Variants in CPHXL observed in about 807,000 individuals in gnomAD.
CPHXL encodes the protein cytoplasmic polyadenylated homeobox-like protein.
At chr16:75,724,937 A>G (rs902801245) in intron 1 of CPHXL, among the ~76,000 whole-genome samples, 1 of 152,200 alleles carries the variant, frequency 6.6e-6, no homozygotes, top group African/African-American at 2.4e-5. Context: ...ACAGAATACT[A>G]TGCAGCCATA....
At chr16:75,718,545 A>G in intron 1 of CPHXL, 87 bp from the exon 2 acceptor site, 1 of 396,930 alleles carries the variant, frequency 2.5e-6, no homozygotes, top group Admixed American at 4.4e-5. Flanking sequence ...TGTTAGCACC[A>G]TAGATTCCCT....
chr16:75,717,576 A>G (rs1959410489), intron 2 of CPHXL, among the ~76,000 whole-genome samples: 1 of 152,108 alleles, frequency 6.6e-6, no homozygotes. Context: ...TTGTTTTAAC[A>G]TTTGTATCAT....
rs1007900216 is a variant in CPHXL, at chr16:75,726,450, T to A, written c.-8A>T. The A allele has an allele frequency of 2.5e-6, 1 of 398,458 alleles. No homozygotes were observed. Among genetic ancestry groups the A allele is most frequent in the African/African-American group, 2.1e-5 (1 of 48,608 alleles). The allele number at this position is 398,458 out of a possible 1,614,324, so 24.7% of individuals were successfully genotyped here. On this transcript the variant is annotated 5_prime_UTR_variant, in exon 1 of 3. Coordinates refer to ENST00000640559, the MANE Select transcript of CPHXL (RefSeq NM_001355613.1). ...AGTGCCGTCCAAATTCATCTTGGGG[T>A]AGAAGACCTGGACTTCACGGAGACC...
intron 1 of CPHXL, among the ~76,000 whole-genome samples, 159 bp downstream of exon 1, chr16:75,726,259 C>A (rs554442973): frequency 1.3e-5 from 2 of 152,186 alleles, no homozygotes; most frequent in Non-Finnish European, 2.9e-5. Context: ...AAGAGTCCAA[C>A]TTCAAAGTAC....
At chr16:75,720,868 C>T (rs1959467400) in intron 1 of CPHXL, among the ~76,000 whole-genome samples, 1 of 152,122 alleles carries the variant, frequency 6.6e-6, no homozygotes, top group Non-Finnish European at 1.5e-5. Flanking sequence ...GTCGGGTTAC[C>T]CACAAAGGGA....
rs776515421 is a variant in CPHXL at position 75,714,347 on chromosome 16, C to T, written c.1095G>A (p.Pro365=). Residue 365 remains proline (P), a synonymous_variant, in exon 3 of 3, where the codon CCG becomes CCA. Coordinates refer to ENST00000640559, the MANE Select transcript of CPHXL (RefSeq NM_001355613.1). ...ACATGTGCTGCAGTTGAGAGCACAA[C>T]GGCTTTCCATTATTCTGAGGCAGTT... ...QSQLPQNNGK[P]LCSQLQHMSL... is the part of the protein sequence containing the mutation. 4.5e-5 allele frequency: 18 copies of T among 398,442 alleles called. No individual in the cohort carries two copies. The highest frequency in any genetic ancestry group is 6.6e-5 in the Non-Finnish European group (15 of 226,062). 24.7% of individuals were successfully genotyped at this position (398,442 alleles called of 1,614,324 possible).
At chr16:75,725,612 C>T (rs143212991) in intron 1 of CPHXL, among the ~76,000 whole-genome samples, 16,587 of 151,984 alleles carry the variant, frequency 0.11, 2,291 homozygotes, top group East Asian at 0.64. Flanking sequence ...GCCACCACAC[C>T]CTGCTAATTT....
chr16:75,722,149 G>C (rs969354527), intron 1 of CPHXL, among the ~76,000 whole-genome samples: 2 of 152,146 alleles, frequency 1.3e-5, no homozygotes, highest in African/African-American at 4.8e-5. Flanking sequence ...ACAAGAGAAA[G>C]CAGGAAAGAT....
intron 1 of CPHXL, among the ~76,000 whole-genome samples, chr16:75,725,328 G>A (rs538679522): frequency 6.6e-6 from 1 of 151,896 alleles, no homozygotes; most frequent in African/African-American, 2.4e-5. Flanking sequence ...TCCCTCTGTC[G>A]CCTAGGCTGG....
intron 1 of CPHXL, among the ~76,000 whole-genome samples, chr16:75,720,579 G>A (rs2151839436): frequency 6.6e-6 from 1 of 152,262 alleles, no homozygotes; most frequent in South Asian, 2.1e-4. Flanking sequence ...AACAAACAAA[G>A]CCTCCAAGAA....
At chr16:75,725,820 CTCCTGGGTTCAATT>C (rs1313854565) in intron 1 of CPHXL, among the ~76,000 whole-genome samples, 1 of 128,448 alleles carries the variant, frequency 7.8e-6, no homozygotes, top group Non-Finnish European at 1.6e-5. Context: ...TGGTTTCAAA[CTCCTGGGTTCAATT>C]GATCCCCCTG....
Position 75,722,950 on chromosome 16 carries a change from G to C in CPHXL, c.25+3468C>G, listed in dbSNP as rs558394312. Among the ~76,000 whole-genome samples the C allele has an allele frequency of 1.6e-4, 25 of 152,204 alleles. No homozygotes were observed. In the South Asian group the frequency reaches 4.6e-3, roughly 28 times the overall value. ...GGGATGCAAGGCTGGTTCAACATAC[G>C]AAAATCAATAAACGTAATCCAGCAT... is the stretch of plus-strand genomic sequence containing the variant. On this transcript the variant is annotated intron_variant, in intron 1 of 2. Transcript: ENST00000640559.
intron 1 of CPHXL, among the ~76,000 whole-genome samples, chr16:75,724,357 A>C (rs1959523200): frequency 6.6e-6 from 1 of 152,142 alleles, no homozygotes; most frequent in Non-Finnish European, 1.5e-5. Flanking sequence ...ATGGGAGAAA[A>C]TTTTTGCAAT....
intron 1 of CPHXL, among the ~76,000 whole-genome samples, chr16:75,723,376 T>A (rs1959505531): frequency 6.6e-6 from 1 of 152,200 alleles, no homozygotes; most frequent in Admixed American, 6.5e-5. Context: ...CAAAATCTCC[T>A]TAAGCTGATA....
intron 1 of CPHXL, among the ~76,000 whole-genome samples, chr16:75,720,772 A>C (rs548983804): frequency 1.3e-5 from 2 of 152,100 alleles, no homozygotes; most frequent in African/African-American, 4.8e-5. Flanking sequence ...GATACTCCTC[A>C]AGAAGAGCAA....
intron 1 of CPHXL, among the ~76,000 whole-genome samples, chr16:75,720,742 AAT>A (rs1173250788): frequency 1.6e-5 from 2 of 124,180 alleles, no homozygotes. Flanking sequence ...ACATTCAGGA[AAT>A]ACAGAGAACA....
At position 75,714,419 on chromosome 16, in the gene CPHXL, C is replaced by A; in HGVS notation, c.1023G>T (p.Trp341Cys). Residue 341 changes from tryptophan to cysteine, a missense_variant, in exon 3 of 3, where the codon TGG becomes TGT. Coordinates refer to ENST00000640559, the MANE Select transcript of CPHXL (RefSeq NM_001355613.1). ...CCGAGGACCACTGCTTCCCTAGATC[C>A]CAAGGACCCGAGTCCATTGGGAGCT... ...QEQLPMDSGP[W>C]DLGKQWSSAQ... The A allele has an allele frequency of 2.5e-6, 1 of 398,556 alleles. No individual in the cohort carries two copies. Among genetic ancestry groups the A allele is most frequent in the Non-Finnish European group, 4.4e-6 (1 of 226,066 alleles). The allele number at this position is 398,556 out of a possible 1,614,324, so 24.7% of individuals were successfully genotyped here.
chr16:75,726,273 T>C (rs528918048), intron 1 of CPHXL, 145 bp downstream of exon 1: 3 of 396,364 alleles, frequency 7.6e-6, no homozygotes, highest in African/African-American at 2.1e-5. Context: ...AAAGTACCCA[T>C]GAATGCCCTA....
intron 1 of CPHXL, 29 bp from the exon 2 acceptor site, chr16:75,718,487 C>A (rs947051646): frequency 1.8e-5 from 7 of 398,380 alleles, no homozygotes; most frequent in African/African-American, 1.2e-4. Flanking sequence ...GCGAGAAGGG[C>A]ATTAGAGAAT....
Sources: allele counts gnomAD v4.1 joint callset (sites outside exome capture counted in the v4.1 genomes callset), GRCh38; gene constraint gnomAD v4.1.1; transcripts MANE v1.5; gene names NCBI Gene and HGNC (gene_info 2026-07-23, HGNC 2026-07-21).